Variants in TBC1D30 observed in about 807,000 individuals in gnomAD.
TBC1D30 encodes TBC1 domain family, member 30.
A neutral mutation model predicts 63.2 loss-of-function variants in TBC1D30; 31 were observed. The observed-to-expected ratio is 0.49, with a 90% CI of 0.37 to 0.66. The LOEUF is 0.66. Ranked by LOEUF, TBC1D30 falls within the 30% of genes least tolerant of loss-of-function variation. TBC1D30 has a pLI of 0.00. For synonymous variants in TBC1D30, 307 were observed against 361.5 expected (o/e 0.85, Z 1.71); for missense variants, 810 against 953.6 (o/e 0.85, Z 1.98).
At chr12:64,786,759 T>C (rs1284749691) in intron 2 of TBC1D30, among the ~76,000 whole-genome samples, 1 of 152,040 alleles carries the variant, frequency 6.6e-6, no homozygotes, top group Non-Finnish European at 1.5e-5. Flanking sequence ...GAGACCAGCC[T>C]GGCCAACATG....
intron 8 of TBC1D30, among the ~76,000 whole-genome samples, chr12:64,844,187 T>C (rs993000397): frequency 6.6e-6 from 1 of 152,218 alleles, no homozygotes; most frequent in African/African-American, 2.4e-5. Flanking sequence ...TCATTTGTTT[T>C]GCCCACACTT....
At chr12:64,824,465 C>T (rs1404225260), upstream of TBC1D30, 1 of 168,642 alleles carries the variant, frequency 5.9e-6, no homozygotes, top group Non-Finnish European at 1.3e-5. Context: ...CTTTTGGTCC[C>T]CGAACGCAGT....
Position 64,876,440 on chromosome 12 carries a change from A to G in TBC1D30, c.*652A>G, listed in dbSNP as rs1441576191. ...CTTTCATCTGTTGAAATTTCAATCG[A>G]TAACCCAGCTGAAGATCTTATGCAC... On this transcript the variant is annotated 3_prime_UTR_variant, in exon 12 of 12. Transcript: ENST00000539867. 1 of 163,160 alleles carries G rather than the reference A, an allele frequency of 6.1e-6. No homozygotes were observed. The highest frequency in any genetic ancestry group is 1.3e-5 in the Non-Finnish European group (1 of 74,868). 10.1% of individuals were successfully genotyped at this position (163,160 alleles called of 1,614,324 possible). A position where few individuals can be genotyped will look rare whatever the true frequency, so the allele number is the denominator to read the frequency against.
intron 2 of TBC1D30, among the ~76,000 whole-genome samples, chr12:64,813,650 T>G (rs1008411815): frequency 6.6e-6 from 1 of 152,194 alleles, no homozygotes; most frequent in African/African-American, 2.4e-5. Context: ...TCACATGTTT[T>G]GGAAACTTGT....
At chr12:64,829,604 G>A (rs1308525524) in intron 3 of TBC1D30, among the ~76,000 whole-genome samples, 2 of 152,102 alleles carry the variant, frequency 1.3e-5, no homozygotes, top group East Asian at 1.9e-4. Context: ...TATCAAGTGA[G>A]CATTTGGATA....
intron 1 of TBC1D30, among the ~76,000 whole-genome samples, chr12:64,760,649 G>T (rs1400792322): frequency 6.6e-6 from 1 of 151,968 alleles, no homozygotes; most frequent in African/African-American, 2.4e-5. Flanking sequence ...ATACCTCCTT[G>T]CTGGTAAAAG....
chr12:64,842,651 C>T (rs1375229543), intron 7 of TBC1D30, among the ~76,000 whole-genome samples: 1 of 152,152 alleles, frequency 6.6e-6, no homozygotes, highest in Non-Finnish European at 1.5e-5. Context: ...TCTTTTATTC[C>T]TACTGTGGTT....
chr12:64,842,364 A>AAAAT (rs541418370), intron 7 of TBC1D30, among the ~76,000 whole-genome samples: 5 of 152,296 alleles, frequency 3.3e-5, no homozygotes, highest in Admixed American at 6.5e-5. Flanking sequence ...GTCACAAGAA[A>AAAAT]AAATAAATAA....
exon 1 of TBC1D30, chr12:64,780,826 C>A: frequency 1.0e-6 from 1 of 995,484 alleles, no homozygotes; most frequent in Non-Finnish European, 1.2e-6. Context: ...TCCTTCCCAC[C>A]GGCGGGGGCC....
At chr12:64,809,789 T>C (rs74099681) in intron 2 of TBC1D30, among the ~76,000 whole-genome samples, 2,154 of 152,330 alleles carry the variant, frequency 0.014, 59 homozygotes, top group African/African-American at 0.05. Flanking sequence ...GGATCAATAA[T>C]GCTACAGATC....
chr12:64,835,432 G>A (rs1028181412), intron 5 of TBC1D30, among the ~76,000 whole-genome samples: 1 of 152,136 alleles, frequency 6.6e-6, no homozygotes, highest in Non-Finnish European at 1.5e-5. Context: ...TATCCTGAGT[G>A]TCAAAATGTG....
chr12:64,798,886 C>G (rs545066631), intron 2 of TBC1D30, among the ~76,000 whole-genome samples: 1 of 148,624 alleles, frequency 6.7e-6, no homozygotes, highest in African/African-American at 2.5e-5. Context: ...GATCTTGGCT[C>G]ACTGCAAGCT....
At chr12:64,781,326 A>G in intron 1 of TBC1D30, 1 of 1,071,198 alleles carries the variant, frequency 9.3e-7, no homozygotes, top group Non-Finnish European at 1.1e-6. Context: ...GGCTTCCTGG[A>G]GCCGGGTTGT....
intron 1 of TBC1D30, among the ~76,000 whole-genome samples, chr12:64,773,051 T>C (rs1172151062): frequency 6.6e-6 from 1 of 152,250 alleles, no homozygotes; most frequent in Non-Finnish European, 1.5e-5. Context: ...AATATGCATT[T>C]CCTAAATTCT....
intron 5 of TBC1D30, among the ~76,000 whole-genome samples, chr12:64,834,624 C>T (rs1439388959): frequency 6.6e-6 from 1 of 150,666 alleles, no homozygotes; most frequent in Non-Finnish European, 1.5e-5. Flanking sequence ...CCAGGCTGGT[C>T]TCAAACTCCT....
intron 8 of TBC1D30, among the ~76,000 whole-genome samples, chr12:64,856,414 G>A (rs200747873): frequency 1.3e-5 from 2 of 152,254 alleles, no homozygotes; most frequent in Non-Finnish European, 2.9e-5. Flanking sequence ...GCCCAATAAT[G>A]CTGTGGTTTT....
At chr12:64,814,201 C>T (rs1268871526) in intron 2 of TBC1D30, among the ~76,000 whole-genome samples, 2 of 152,116 alleles carry the variant, frequency 1.3e-5, no homozygotes, top group African/African-American at 4.8e-5. Flanking sequence ...CGAGTGCCAC[C>T]ACGTCTAGCT....
chr12:64,865,387 A>G (rs926290179), intron 9 of TBC1D30, among the ~76,000 whole-genome samples: 1 of 151,748 alleles, frequency 6.6e-6, no homozygotes, highest in Non-Finnish European at 1.5e-5. Context: ...CTCAAAATTT[A>G]AAAAAAGGGA....
chr12:64,814,799 TAGG>T (rs1297366553), intron 2 of TBC1D30, among the ~76,000 whole-genome samples: 2 of 152,236 alleles, frequency 1.3e-5, no homozygotes, highest in Non-Finnish European at 2.9e-5. Context: ...TCTGCTTCCT[TAGG>T]AGTATTTCTC....
Sources: gnomAD v4.1 joint callset for allele counts (sites outside exome capture counted in the v4.1 genomes callset) on GRCh38, gnomAD v4.1.1 for gene constraint, MANE v1.5 for transcripts, NCBI Gene and HGNC (gene_info 2026-07-23, HGNC 2026-07-21) for gene names.